AP3B1: variants seen among roughly 807,000 people sequenced by gnomAD.
AP3B1 encodes AP-3 complex subunit beta-1.
Under a neutral mutation model 132.5 loss-of-function variants are expected in AP3B1, and 61 were observed. The observed-to-expected ratio is 0.46, with a 90% CI of 0.37 to 0.57. The LOEUF (loss-of-function observed/expected upper bound fraction) is 0.57, where lower values mean the gene tolerates loss of function less well. Ranked by LOEUF, AP3B1 falls within the 20% of genes least tolerant of loss-of-function variation. AP3B1 has a pLI of 0.00. For missense variants in AP3B1, 1,120 were observed against 1,289.4 expected (o/e 0.87, Z 2.01); for synonymous variants, 388 against 438.3 (o/e 0.89, Z 1.43).
At chr5:78,115,646 AT>A (rs1182654687) in intron 18 of AP3B1, among the ~76,000 whole-genome samples, 1 of 152,108 alleles carries the variant, frequency 6.6e-6, no homozygotes, top group Non-Finnish European at 1.5e-5. Context: ...CTTTAGTTTG[AT>A]TTTTTTATAG....
In AP3B1 at chr5:78,073,904, T is replaced by C. The variant is rs1749654758; in HGVS notation, c.2577+15489A>G. The stretch of plus-strand genomic sequence containing the variant: ...TTCTTTATCACAACCTCTTTAATCC[T>C]TCAATTTCTTGCAGATCTGTGTGCA... On this transcript the variant is annotated intron_variant, in intron 22 of 26. Coordinates refer to ENST00000255194, the MANE Select transcript of AP3B1 (RefSeq NM_003664.5). Among the ~76,000 whole-genome samples the C allele has an allele frequency of 2.6e-5, 4 of 152,188 alleles. No homozygotes were observed. In the South Asian group the frequency reaches 8.3e-4, roughly 32 times the overall value.
At chr5:78,215,439 T>G (rs535225064) in intron 7 of AP3B1, among the ~76,000 whole-genome samples, 30 of 151,926 alleles carry the variant, frequency 2.0e-4, no homozygotes, top group Admixed American at 2.6e-4. Flanking sequence ...AAGGCATACT[T>G]AAAAAAAAGA....
intron 11 of AP3B1, among the ~76,000 whole-genome samples, chr5:78,169,549 C>G (rs1208368401): frequency 6.6e-6 from 1 of 152,112 alleles, no homozygotes; most frequent in African/African-American, 2.4e-5. Context: ...CCACCTCAGC[C>G]TCCCAAGTAG....
chr5:78,211,557 C>T (rs907417600), intron 7 of AP3B1, among the ~76,000 whole-genome samples: 10 of 152,254 alleles, frequency 6.6e-5, no homozygotes, highest in African/African-American at 2.4e-4. Context: ...TACGAATTTT[C>T]GATTCCTCAA....
intron 24 of AP3B1, among the ~76,000 whole-genome samples, chr5:78,032,046 T>C (rs1387839533): frequency 6.6e-6 from 1 of 152,198 alleles, no homozygotes; most frequent in Non-Finnish European, 1.5e-5. Context: ...TCAATAAATT[T>C]AATCAAGAAC....
At chr5:78,041,734 G>A (rs1748097441) in intron 22 of AP3B1, 1 of 152,294 alleles carries the variant, frequency 6.6e-6, no homozygotes, top group African/African-American at 2.4e-5. Flanking sequence ...AGTATTTTAA[G>A]TTTTCAAAGC....
chr5:78,182,840 G>A (rs541542505), intron 7 of AP3B1, among the ~76,000 whole-genome samples: 20 of 152,302 alleles, frequency 1.3e-4, no homozygotes, highest in African/African-American at 4.8e-4. Flanking sequence ...GGTGGTTTCA[G>A]AAAAGGCCAA....
chr5:78,062,351 G>C (rs1749094241), intron 22 of AP3B1, among the ~76,000 whole-genome samples: 1 of 152,202 alleles, frequency 6.6e-6, no homozygotes, highest in Non-Finnish European at 1.5e-5. Flanking sequence ...ATTGCTAGAA[G>C]AGGTACTTAT....
chr5:78,002,870 G>A lies in AP3B1; in HGVS notation c.*32C>T. 3.7e-6 allele frequency: 6 copies of A among 1,614,060 alleles called. No homozygotes were observed. The highest frequency in any genetic ancestry group is 2.2e-5 in the South Asian group (2 of 91,078). ...AGTGGATGCCAGGCACTTTTGTTGT[G>A]TGCCAGATTCTAAAGTCCAGATGTA... On this transcript the variant is annotated 3_prime_UTR_variant, in exon 27 of 27. Coordinates refer to ENST00000255194, the MANE Select transcript of AP3B1 (RefSeq NM_003664.5).
chr5:78,022,874 C>T (rs1395190590), intron 24 of AP3B1, among the ~76,000 whole-genome samples: 1 of 152,052 alleles, frequency 6.6e-6, no homozygotes, highest in East Asian at 1.9e-4. Flanking sequence ...TAAGAGACAG[C>T]TTCTGTTATT....
At chr5:78,143,603 C>T (rs181670767) in intron 14 of AP3B1, among the ~76,000 whole-genome samples, 224 of 152,220 alleles carry the variant, frequency 1.5e-3, no homozygotes, top group African/African-American at 5.0e-3. Flanking sequence ...CCAGCTTTCC[C>T]TTTCTCTTCC....
chr5:78,131,521 T>C (rs1414716771), intron 15 of AP3B1, among the ~76,000 whole-genome samples: 2 of 152,070 alleles, frequency 1.3e-5, no homozygotes, highest in Non-Finnish European at 2.9e-5. Context: ...ATGTAGTCAA[T>C]AAAAAGTTTT....
intron 1 of AP3B1, among the ~76,000 whole-genome samples, chr5:78,284,404 A>G (rs1309580361): frequency 6.6e-6 from 1 of 152,174 alleles, no homozygotes; most frequent in East Asian, 1.9e-4. Context: ...ATTCTACATA[A>G]GATACTATTT....
intron 14 of AP3B1, among the ~76,000 whole-genome samples, chr5:78,151,655 C>A (rs1048148542): frequency 6.6e-6 from 1 of 152,130 alleles, no homozygotes; most frequent in African/African-American, 2.4e-5. Flanking sequence ...ATGAATCACA[C>A]TGATTGATTT....
At chr5:78,224,712 A>G (rs1440642584) in intron 6 of AP3B1, among the ~76,000 whole-genome samples, 2 of 152,088 alleles carry the variant, frequency 1.3e-5, no homozygotes, top group African/African-American at 4.8e-5. Context: ...AGTAGTATTT[A>G]TAACAGGCAA....
chr5:78,006,961 T>C (rs1355784940), intron 26 of AP3B1, among the ~76,000 whole-genome samples: 3 of 152,202 alleles, frequency 2.0e-5, no homozygotes, highest in Non-Finnish European at 4.4e-5. Context: ...AAAAGTTTCA[T>C]TCTTCTTAAA....
chr5:78,144,960 A>G (rs1281537058), intron 14 of AP3B1, among the ~76,000 whole-genome samples: 1 of 151,980 alleles, frequency 6.6e-6, no homozygotes, highest in Non-Finnish European at 1.5e-5. Context: ...CAGCCTCCCA[A>G]AGTTCTGGGA....
chr5:78,245,151 A>C (rs1747324618), intron 2 of AP3B1, among the ~76,000 whole-genome samples: 1 of 152,132 alleles, frequency 6.6e-6, no homozygotes, highest in Non-Finnish European at 1.5e-5. Flanking sequence ...GAGGCTGCAA[A>C]AGGCTCAGAG....
chr5:78,273,602 A>C (rs1019330018), intron 1 of AP3B1, among the ~76,000 whole-genome samples: 12 of 152,164 alleles, frequency 7.9e-5, no homozygotes, highest in Admixed American at 5.2e-4. Context: ...GACAAGGTAC[A>C]CAAAAATCTG....
Sources: gnomAD v4.1 joint callset for allele counts (sites outside exome capture counted in the v4.1 genomes callset) on GRCh38, gnomAD v4.1.1 for gene constraint, MANE v1.5 for transcripts, NCBI Gene and HGNC (gene_info 2026-07-23, HGNC 2026-07-21) for gene names.